EYS: variants seen among roughly 807,000 people sequenced by gnomAD.
EYS encodes the protein EGF-like photoreceptor maintenance factor, also known as protein eyes shut homolog.
Under a neutral mutation model 282.1 loss-of-function variants are expected in EYS, and 250 were observed. The observed-to-expected ratio is 0.89, with a 90% CI of 0.80 to 0.98. The LOEUF is 0.98. EYS is among the 50% of genes least tolerant of loss of function. The probability of loss-of-function intolerance (pLI) is 0.00; values close to 1 mark genes in which losing one functional copy is unlikely to be tolerated. For missense variants in EYS, 4,016 were observed against 3,709.0 expected (o/e 1.08, Z -2.15); for synonymous variants, 1,355 against 1,282.9 (o/e 1.06, Z -1.20).
chr6:65,428,285 T>G (rs1297016313), intron 5 of EYS, among the ~76,000 whole-genome samples: 1 of 152,106 alleles, frequency 6.6e-6, no homozygotes, highest in Non-Finnish European at 1.5e-5. Context: ...TATGACAGTA[T>G]TTTTTAATAA....
At chr6:64,392,919 G>C (rs1025833462) in intron 28 of EYS, among the ~76,000 whole-genome samples, 4 of 151,946 alleles carry the variant, frequency 2.6e-5, no homozygotes, top group African/African-American at 9.7e-5. Flanking sequence ...GAATCAAATA[G>C]ACGCAATAAA....
intron 32 of EYS, among the ~76,000 whole-genome samples, chr6:64,071,965 T>A (rs552982042): frequency 6.6e-6 from 1 of 151,788 alleles, no homozygotes; most frequent in African/African-American, 2.4e-5. Flanking sequence ...ATTCAAAACA[T>A]GGTTGAAGAA....
intron 22 of EYS, among the ~76,000 whole-genome samples, chr6:64,644,812 T>C (rs1768292708): frequency 6.6e-6 from 1 of 152,208 alleles, no homozygotes; most frequent in Admixed American, 6.5e-5. Context: ...TCATGTCATA[T>C]TCTCAGGGTT....
chr6:64,766,649 A>AATATATATATATATATATATATATATAT (rs70999172), intron 22 of EYS, among the ~76,000 whole-genome samples: 3 of 19,056 alleles, frequency 1.6e-4, no homozygotes, highest in Non-Finnish European at 3.1e-4. Flanking sequence ...AAAAAAAAAA[A>AATATATATATATATATATATATATATAT]ATATATATAT....
rs553711354 is a variant in EYS at position 63,961,974 on chromosome 6, T to C, written c.7055+22409A>G. ...ATGCTGCATATCTACAACTATCTGA[T>C]CTTTGACAAACCTGACAAAAACAAG... On this transcript the variant is annotated intron_variant, in intron 35 of 42. Transcript: ENST00000503581. 6.5e-4 allele frequency among the ~76,000 whole-genome samples: 99 copies of C among 152,292 alleles called. 1 individual carries two copies. In the South Asian group the frequency reaches 8.7e-3, roughly 13 times the overall value.
At position 65,248,400 on chromosome 6, in the gene EYS, G is replaced by T. The variant is rs563927455; in HGVS notation, c.2023+47463C>A. On this transcript the variant is annotated intron_variant, in intron 12 of 42. Transcript: ENST00000503581. ...CCTGTCAGGAAGAGGAGATGGGGGTGCATGGAAGTGAGCTTGTTGAGAGAC... is the reference window on the plus strand; with the variant it reads ...CCTGTCAGGAAGAGGAGATGGGGGTTCATGGAAGTGAGCTTGTTGAGAGAC... Among the ~76,000 whole-genome samples the T allele has an allele frequency of 9.2e-5, 14 of 152,142 alleles. No individual in the cohort carries two copies. In the South Asian group the frequency reaches 2.5e-3, roughly 27 times the overall value.
intron 19 of EYS, among the ~76,000 whole-genome samples, chr6:64,865,092 T>C (rs1766385825): frequency 6.6e-6 from 1 of 152,136 alleles, no homozygotes; most frequent in South Asian, 2.1e-4. Context: ...ACCCAACTTT[T>C]CTGTCTTAGG....
intron 22 of EYS, among the ~76,000 whole-genome samples, chr6:64,810,026 T>A (rs921348069): frequency 9.9e-5 from 15 of 151,978 alleles, no homozygotes; most frequent in African/African-American, 2.4e-4. Context: ...TCAAAGAAAA[T>A]TTTTTAAGAA....
chr6:64,905,378 TC>T (rs1242869438), intron 16 of EYS, among the ~76,000 whole-genome samples: 13 of 152,208 alleles, frequency 8.5e-5, no homozygotes, highest in African/African-American at 3.1e-4. Context: ...TTTATGCTGT[TC>T]CCCTGTTCTT....
chr6:64,372,116 G>A (rs1448613868), intron 29 of EYS, among the ~76,000 whole-genome samples: 1 of 132,472 alleles, frequency 7.5e-6, no homozygotes, highest in Non-Finnish European at 1.5e-5. Flanking sequence ...AGCATCACTG[G>A]TCTGTATACT....
rs183698154 is a variant in EYS, at chr6:63,839,238, A to T, written c.7228+24948T>A. Among the ~76,000 whole-genome samples the T allele has an allele frequency of 4.6e-5, 7 of 152,312 alleles. No homozygotes were observed. In the East Asian group the frequency reaches 1.4e-3, roughly 29 times the overall value. ...CCTCTCTAAAACCTTTTCAGCCTTTAGTAATCACTATTCTACTTTATAGTT... is the reference window on the plus strand; with the variant it reads ...CCTCTCTAAAACCTTTTCAGCCTTTTGTAATCACTATTCTACTTTATAGTT... On this transcript the variant is annotated intron_variant, in intron 36 of 42. Transcript: ENST00000503581.
At chr6:64,344,308 A>G (rs1363335896) in intron 29 of EYS, among the ~76,000 whole-genome samples, 2 of 152,080 alleles carry the variant, frequency 1.3e-5, no homozygotes, top group Non-Finnish European at 2.9e-5. Flanking sequence ...AAAATCCTCA[A>G]TAAAATACTG....
At chr6:65,114,265 C>G (rs919510158) in intron 12 of EYS, among the ~76,000 whole-genome samples, 1 of 150,202 alleles carries the variant, frequency 6.7e-6, no homozygotes, top group South Asian at 2.1e-4. Context: ...ATATGTAACT[C>G]TTATGAAATA....
intron 2 of EYS, among the ~76,000 whole-genome samples, chr6:65,514,193 C>T (rs1376555841): frequency 1.3e-5 from 2 of 151,924 alleles, no homozygotes; most frequent in Non-Finnish European, 2.9e-5. Context: ...TTCACAATTG[C>T]TTCAAAGAGA....
chr6:65,138,774 G>T (rs1236545997), intron 12 of EYS, among the ~76,000 whole-genome samples: 1 of 151,996 alleles, frequency 6.6e-6, no homozygotes, highest in African/African-American at 2.4e-5. Context: ...TAAAATAACT[G>T]ACCTGCTCTA....
At chr6:64,296,594 ATATATTTTTTT>A (rs1769031603) in intron 30 of EYS, among the ~76,000 whole-genome samples, 4 of 4,878 alleles carry the variant, frequency 8.2e-4, no homozygotes, top group Admixed American at 2.4e-3. Context: ...ACATATATAT[ATATATTTTTTT>A]TTTTTTTTTT....
At chr6:64,852,490 G>A (rs1438941378) in intron 19 of EYS, among the ~76,000 whole-genome samples, 1 of 152,048 alleles carries the variant, frequency 6.6e-6, no homozygotes, top group East Asian at 1.9e-4. Flanking sequence ...CCTATTGTGG[G>A]ACATTGTGAT....
intron 12 of EYS, among the ~76,000 whole-genome samples, chr6:65,206,307 T>C (rs1766032218): frequency 6.6e-6 from 1 of 151,614 alleles, no homozygotes; most frequent in Admixed American, 6.6e-5. Flanking sequence ...AAATAATTCC[T>C]GGAAACATAC....
At chr6:64,676,785 C>A (rs1299321028) in intron 22 of EYS, among the ~76,000 whole-genome samples, 1 of 152,100 alleles carries the variant, frequency 6.6e-6, no homozygotes, top group Non-Finnish European at 1.5e-5. Context: ...TTCACTGTAA[C>A]CTCTCATGAT....
Sources: gnomAD v4.1 joint callset for allele counts (sites outside exome capture counted in the v4.1 genomes callset) on GRCh38, gnomAD v4.1.1 for gene constraint, MANE v1.5 for transcripts, NCBI Gene and HGNC (gene_info 2026-07-23, HGNC 2026-07-21) for gene names.